The following PRKCH variants were observed in gnomAD, a reference collection of about 807,000 sequenced individuals.
The protein encoded by PRKCH is protein kinase C eta type.
A neutral mutation model predicts 82.5 loss-of-function variants in PRKCH; 28 were observed. The observed-to-expected ratio is 0.34, with a 90% CI of 0.25 to 0.47. The LOEUF is 0.47. Among genes scored for constraint, PRKCH ranks in the 20% least tolerant of loss-of-function variants. The pLI is 1.00. For synonymous variants in PRKCH, 322 were observed against 327.4 expected, an observed-to-expected ratio of 0.98 and a Z score of 0.18; for missense variants, 705 against 881.8, an observed-to-expected ratio of 0.80 and a Z score of 2.54.
At chr14:61,218,107 A>C (rs889823781) in intron 1 of PRKCH, among the ~76,000 whole-genome samples, 1 of 152,174 alleles carries the variant, frequency 6.6e-6, no homozygotes, top group African/African-American at 2.4e-5. Flanking sequence ...TCTCTAGTTC[A>C]ACCAAATTCA....
At chr14:61,232,374 C>T (rs1012382404) in intron 1 of PRKCH, among the ~76,000 whole-genome samples, 14 of 152,176 alleles carry the variant, frequency 9.2e-5, no homozygotes, top group Non-Finnish European at 1.3e-4. Context: ...TACAGGCTTG[C>T]GCCACCATGC....
At chr14:61,285,007 T>C (rs1193432749) in intron 1 of PRKCH, among the ~76,000 whole-genome samples, 4 of 152,228 alleles carry the variant, frequency 2.6e-5, no homozygotes, top group African/African-American at 9.6e-5. Flanking sequence ...TATTTAACTA[T>C]TGTTGGACAT....
chr14:61,389,173 C>T (rs561250314), intron 1 of PRKCH, among the ~76,000 whole-genome samples: 3 of 152,124 alleles, frequency 2.0e-5, no homozygotes, highest in Non-Finnish European at 4.4e-5. Context: ...CTCAGGAGTT[C>T]AAGACCAGTC....
rs566244763 is a variant in PRKCH at position 61,300,562 on chromosome 14, C to T, written c.-19+112894C>T. ...AGATGTATACTGGGAGACAAGGGAA[C>T]AGAGGGAGAATTTAAATCGTCATTG... On this transcript the variant is annotated intron_variant, in intron 1 of 3. Coordinates refer to the PRKCH transcript ENST00000555185. 4.6e-5 allele frequency among the ~76,000 whole-genome samples: 7 copies of T among 152,220 alleles called. No homozygotes were observed. The East Asian group carries it at 1.3e-3, about 29-fold the overall frequency.
chr14:61,451,845 C>T (rs541684189), intron 6 of PRKCH, among the ~76,000 whole-genome samples: 1 of 152,310 alleles, frequency 6.6e-6, no homozygotes, highest in African/African-American at 2.4e-5. Flanking sequence ...GAGCCTGCTT[C>T]TGTCAACAAA....
intron 1 of PRKCH, among the ~76,000 whole-genome samples, chr14:61,372,862 C>G (rs905669674): frequency 6.6e-6 from 1 of 152,020 alleles, no homozygotes; most frequent in African/African-American, 2.4e-5. Flanking sequence ...TTAGTGTTCT[C>G]TGTCTACCAT....
chr14:61,233,703 G>T (rs1015234966), intron 1 of PRKCH, among the ~76,000 whole-genome samples: 2 of 152,108 alleles, frequency 1.3e-5, no homozygotes, highest in Non-Finnish European at 2.9e-5. Flanking sequence ...GAGATCTGAT[G>T]GTTTTATAAG....
intron 1 of PRKCH, among the ~76,000 whole-genome samples, chr14:61,228,247 A>G (rs1465264756): frequency 6.6e-6 from 1 of 152,228 alleles, no homozygotes; most frequent in African/African-American, 2.4e-5. Context: ...CATTTTTACA[A>G]ATACAAGGAC....
At chr14:61,306,324 G>C in intron 1 of PRKCH, 1 of 152,238 alleles carries the variant, frequency 6.6e-6, no homozygotes, top group East Asian at 1.9e-4. Context: ...AGGAATGCTT[G>C]TGAAATCTTC....
chr14:61,547,579 T>C (rs2043274437), intron 12 of PRKCH, among the ~76,000 whole-genome samples, 164 bp from the exon 13 acceptor site: 1 of 152,246 alleles, frequency 6.6e-6, no homozygotes, highest in Non-Finnish European at 1.5e-5. Flanking sequence ...CTTTAAGGCA[T>C]GATTCATACT....
intron 2 of PRKCH, among the ~76,000 whole-genome samples, chr14:61,405,950 T>C (rs1010089544): frequency 1.3e-5 from 2 of 152,168 alleles, no homozygotes; most frequent in African/African-American, 4.8e-5. Flanking sequence ...TCAAAAAATA[T>C]GAAATGCCAA....
chr14:61,247,055 G>C (rs3920844), intron 1 of PRKCH, among the ~76,000 whole-genome samples: 141,330 of 152,256 alleles, frequency 0.93, 66,470 homozygotes, highest in Non-Finnish European at 1. Flanking sequence ...ACAGAGAATT[G>C]CCTGCATCAC....
chr14:61,255,555 A>C (rs1220893223), intron 1 of PRKCH, among the ~76,000 whole-genome samples: 1 of 152,214 alleles, frequency 6.6e-6, no homozygotes, highest in Non-Finnish European at 1.5e-5. Flanking sequence ...GTCTTGTAAG[A>C]GGCAAATTCA....
rs1442801037 is a variant in PRKCH at position 61,280,675 on chromosome 14, G to A, written c.-19+93007G>A. On this transcript the variant is annotated intron_variant, in intron 1 of 3. Coordinates refer to the PRKCH transcript ENST00000555185. The surrounding 1 kb of genome is among the most constrained non-coding windows in gnomAD (Gnocchi z 5.0). ...GGCGATGGCGCCGCAGGGCGCGATG[G>A]GCAGGCCGGCCGCGCTGCGCTGGTA... 1.9e-6 allele frequency: 3 copies of A among 1,573,738 alleles called. No individual in the cohort carries two copies. Among genetic ancestry groups the A allele is most frequent in the Non-Finnish European group, 2.6e-6 (3 of 1,161,672 alleles).
At chr14:61,385,052 G>A (rs1469805219) in intron 1 of PRKCH, among the ~76,000 whole-genome samples, 1 of 151,992 alleles carries the variant, frequency 6.6e-6, no homozygotes, top group South Asian at 2.1e-4. Flanking sequence ...ACTGTTATCT[G>A]GGTTTCAACA....
At chr14:61,517,575 C>T (rs1049791078) in intron 10 of PRKCH, among the ~76,000 whole-genome samples, 17 of 152,186 alleles carry the variant, frequency 1.1e-4, no homozygotes, top group African/African-American at 4.1e-4. Context: ...CATTTAATAA[C>T]AGCCACAGTG....
chr14:61,350,089 G>A (rs1033635770), intron 1 of PRKCH, among the ~76,000 whole-genome samples: 1 of 152,162 alleles, frequency 6.6e-6, no homozygotes, highest in Non-Finnish European at 1.5e-5. Context: ...CTACAGGAAT[G>A]TGGAGCTGGG....
chr14:61,415,000 G>A (rs150344110), intron 2 of PRKCH, among the ~76,000 whole-genome samples: 89 of 152,098 alleles, frequency 5.9e-4, no homozygotes, highest in African/African-American at 2.1e-3. Context: ...CATCTGCAGG[G>A]ACACTCTCAG....
chr14:61,487,557 G>A (rs1261648835), intron 10 of PRKCH, among the ~76,000 whole-genome samples: 3 of 151,982 alleles, frequency 2.0e-5, no homozygotes, highest in Middle Eastern at 3.2e-3. Context: ...TCCTCTCCGC[G>A]GCTAATCCAG....
Sources: allele counts gnomAD v4.1 joint callset (sites outside exome capture counted in the v4.1 genomes callset), GRCh38; gene constraint gnomAD v4.1.1; non-coding constraint Gnocchi (gnomAD v3.1); transcripts MANE v1.5; gene names NCBI Gene and HGNC (gene_info 2026-07-23, HGNC 2026-07-21).